ZC3H12B: variants seen among roughly 807,000 people sequenced by gnomAD.
ZC3H12B encodes probable ribonuclease ZC3H12B.
Under a neutral mutation model 43.9 loss-of-function variants are expected in ZC3H12B, and 7 were observed. The ratio of observed to expected loss-of-function variants is 0.16; its 90% CI spans 0.09 to 0.30. The LOEUF (loss-of-function observed/expected upper bound fraction) is 0.30, where lower values mean the gene tolerates loss of function less well. Among genes scored for constraint, ZC3H12B ranks in the 10% least tolerant of loss-of-function variants. The probability of loss-of-function intolerance (pLI) is 1.00; values close to 1 mark genes in which losing one functional copy is unlikely to be tolerated. For synonymous variants in ZC3H12B, 222 were observed against 241.7 expected (o/e 0.92, Z 0.76); for missense variants, 475 against 670.2 (o/e 0.71, Z 3.22).
At chrX:65,127,829 C>T in the ZC3H12B span, among the ~76,000 whole-genome samples, 1 of 110,939 alleles carries the variant, frequency 9.0e-6, no homozygotes, top group African/African-American at 3.3e-5. Context: ...AGGCCTCACC[C>T]CCCTCCCACA....
At chrX:65,444,787 T>C (rs897837438) in intron 3 of ZC3H12B, among the ~76,000 whole-genome samples, 46 of 112,106 alleles carry the variant, frequency 4.1e-4, no homozygotes, top group African/African-American at 1.5e-3. Flanking sequence ...CTGAATAAAC[T>C]TTCTATGCTG....
At chrX:65,450,310 A>T (rs1383586454) in intron 3 of ZC3H12B, among the ~76,000 whole-genome samples, 4 of 89,386 alleles carry the variant, frequency 4.5e-5, no homozygotes, top group Admixed American at 1.4e-4. Flanking sequence ...TCTCAAAAAA[A>T]AAATATATAT....
chrX:65,212,538 G>C, the ZC3H12B span, among the ~76,000 whole-genome samples: 1 of 68,797 alleles, frequency 1.5e-5, no homozygotes, highest in Non-Finnish European at 2.5e-5. Context: ...TACATATAAT[G>C]TATATTTATA....
chrX:65,350,566 A>G, the ZC3H12B span, among the ~76,000 whole-genome samples: 1 of 112,080 alleles, frequency 8.9e-6, no homozygotes, highest in Admixed American at 9.5e-5. Flanking sequence ...ATAATTTTAT[A>G]TTGAGAAAAC....
chrX:65,235,290 A>G, the ZC3H12B span, among the ~76,000 whole-genome samples: 1 of 111,921 alleles, frequency 8.9e-6, no homozygotes, highest in Non-Finnish European at 1.9e-5. Context: ...ACAGTGGTTG[A>G]ATTAATTTAC....
At chrX:65,078,397 G>A in the ZC3H12B span, among the ~76,000 whole-genome samples, 1 of 112,048 alleles carries the variant, frequency 8.9e-6, no homozygotes, top group Admixed American at 9.4e-5. Flanking sequence ...TTCAAGTTCA[G>A]GAAGTAAAAG....
At chrX:65,264,054 C>T in the ZC3H12B span, among the ~76,000 whole-genome samples, 1 of 111,390 alleles carries the variant, frequency 9.0e-6, no homozygotes, top group Non-Finnish European at 1.9e-5. Context: ...AGTGAAGTAA[C>T]TCAGGAAAGA....
chrX:65,071,348 T>A, the ZC3H12B span, among the ~76,000 whole-genome samples: 3 of 106,409 alleles, frequency 2.8e-5, no homozygotes, highest in Non-Finnish European at 3.9e-5. Context: ...AGCCTATTGG[T>A]GTCATTGTAT....
chrX:65,493,314 C>T (rs2068231808), intron 1 of ZC3H12B, among the ~76,000 whole-genome samples: 1 of 108,889 alleles, frequency 9.2e-6, no homozygotes. Flanking sequence ...ACCCAGAACG[C>T]AGAGGTTGCA....
At chrX:65,153,032 G>A in the ZC3H12B span, among the ~76,000 whole-genome samples, 11 of 112,090 alleles carry the variant, frequency 9.8e-5, no homozygotes, top group African/African-American at 2.3e-4. Flanking sequence ...CTAGCCATAT[G>A]TAGAAAGCTG....
chrX:65,119,678 C>T, the ZC3H12B span, among the ~76,000 whole-genome samples: 26,489 of 110,855 alleles, frequency 0.24, 7,611 homozygotes, highest in African/African-American at 0.82. Context: ...ATTTTGGCTT[C>T]TGTTGCCATT....
chrX:65,401,871 A>G (rs1002519964), intron 3 of ZC3H12B, among the ~76,000 whole-genome samples: 6 of 112,172 alleles, frequency 5.3e-5, no homozygotes, highest in Admixed American at 9.4e-5. Flanking sequence ...GGAAGGAGCC[A>G]GTCTTGGCAG....
chrX:65,387,719 C>T (rs1431111933), intron 2 of ZC3H12B, among the ~76,000 whole-genome samples: 1 of 112,260 alleles, frequency 8.9e-6, no homozygotes, highest in Non-Finnish European at 1.9e-5. Flanking sequence ...TTAGTTGATG[C>T]AGTTTCTTCC....
At chrX:65,348,540 A>G in the ZC3H12B span, among the ~76,000 whole-genome samples, 4 of 111,800 alleles carry the variant, frequency 3.6e-5, no homozygotes, top group African/African-American at 1.3e-4. Context: ...AATGAGATAA[A>G]TGCCCCAATT....
At chrX:65,483,220 C>G (rs1180929125) in intron 3 of ZC3H12B, among the ~76,000 whole-genome samples, 2 of 111,842 alleles carry the variant, frequency 1.8e-5, no homozygotes, top group Non-Finnish European at 3.8e-5. Context: ...TTACAAACCA[C>G]AGAAAATATG....
the ZC3H12B span, among the ~76,000 whole-genome samples, chrX:65,233,424 T>A: frequency 9.1e-6 from 1 of 110,374 alleles, no homozygotes; most frequent in Non-Finnish European, 1.9e-5. Context: ...GGAATAAAAC[T>A]ACAAATCAAT....
chrX:65,308,867 A>G, the ZC3H12B span, among the ~76,000 whole-genome samples: 1 of 112,353 alleles, frequency 8.9e-6, no homozygotes. Context: ...TGGAAACTGA[A>G]CAACCTGCTT....
chrX:65,167,301 T>C, the ZC3H12B span, among the ~76,000 whole-genome samples: 1 of 112,172 alleles, frequency 8.9e-6, no homozygotes. Context: ...AAATAGGGAA[T>C]CCTTTCCCCA....
intron 3 of ZC3H12B, among the ~76,000 whole-genome samples, chrX:65,451,396 A>C (rs183209165): frequency 1.8e-5 from 2 of 112,077 alleles, no homozygotes; most frequent in East Asian, 2.8e-4. Flanking sequence ...TTTGTCAGAT[A>C]ATGCATAAGT....
Sources: allele counts gnomAD v4.1 joint callset (sites outside exome capture counted in the v4.1 genomes callset), GRCh38; gene constraint gnomAD v4.1.1; transcripts MANE v1.5; gene names NCBI Gene and HGNC (gene_info 2026-07-23, HGNC 2026-07-21).